PPP1R12B: variants seen among roughly 807,000 people sequenced by gnomAD.
PPP1R12B encodes the protein protein phosphatase 1 regulatory subunit 12B.
PPP1R12B carries 76 observed loss-of-function variants against 126.1 expected under a neutral mutation model. The observed-to-expected ratio is 0.60, with a 90% CI of 0.50 to 0.73. The LOEUF (loss-of-function observed/expected upper bound fraction) is 0.73, where lower values mean the gene tolerates loss of function less well. Among genes scored for constraint, PPP1R12B ranks in the 30% least tolerant of loss-of-function variants. The pLI is 0.00. For missense variants in PPP1R12B, 1,052 were observed against 1,205.1 expected, an observed-to-expected ratio of 0.87 and a Z score of 1.88; for synonymous variants, 356 against 434.7, an observed-to-expected ratio of 0.82 and a Z score of 2.25.
chr1:202,501,913 G>A, intron 18 of PPP1R12B: 1 of 984,920 alleles, frequency 1.0e-6, no homozygotes, highest in Non-Finnish European at 1.2e-6. Flanking sequence ...TTGAGTGAAG[G>A]AACGTCTTCT....
In PPP1R12B at chr1:202,416,995, G is replaced by A. The variant is rs566254141; in HGVS notation, c.422+78G>A. On this transcript the variant is annotated intron_variant, in intron 2 of 23. Transcript: ENST00000608999. ...ATTTCTCCTCTATTCTTAGGAATTT[G>A]AATTTTATAAATAGTTATAATCTCT... 1.2e-5 allele frequency: 17 copies of A among 1,433,060 alleles called. No individual in the cohort carries two copies. In the South Asian group the frequency reaches 2.6e-4, roughly 22 times the overall value. The allele number at this position is 1,433,060 out of a possible 1,614,324, so 88.8% of individuals were successfully genotyped here. A position where few individuals can be genotyped will look rare whatever the true frequency, so the allele number is the denominator to read the frequency against.
At chr1:202,436,040 A>G (rs1670768780) in intron 9 of PPP1R12B, among the ~76,000 whole-genome samples, 1 of 152,168 alleles carries the variant, frequency 6.6e-6, no homozygotes, top group Non-Finnish European at 1.5e-5. Context: ...TGGGCAAATC[A>G]CTTGAGCCCA....
intron 18 of PPP1R12B, among the ~76,000 whole-genome samples, chr1:202,529,405 CA>C (rs1049275587): frequency 1.3e-5 from 2 of 151,814 alleles, no homozygotes; most frequent in African/African-American, 4.8e-5. Flanking sequence ...TGCAAATTCA[CA>C]ACTATGAAGA....
chr1:202,476,840 C>T (rs967322518), intron 13 of PPP1R12B, among the ~76,000 whole-genome samples: 2 of 151,950 alleles, frequency 1.3e-5, no homozygotes, highest in African/African-American at 4.8e-5. Context: ...AAAGCTACTT[C>T]AAAACCCAAT....
chr1:202,463,969 T>C (rs1336421638), intron 13 of PPP1R12B, among the ~76,000 whole-genome samples: 1 of 152,218 alleles, frequency 6.6e-6, no homozygotes, highest in Non-Finnish European at 1.5e-5. Context: ...CCTGTACATT[T>C]TACTTTCATG....
intron 1 of PPP1R12B, among the ~76,000 whole-genome samples, chr1:202,388,563 C>A (rs1180425010): frequency 6.6e-6 from 1 of 151,812 alleles, no homozygotes; most frequent in East Asian, 1.9e-4. Context: ...GAAAGAAGGC[C>A]TAAATAAGTG....
At chr1:202,446,898 T>C (rs1482256358) in intron 12 of PPP1R12B, among the ~76,000 whole-genome samples, 1 of 152,130 alleles carries the variant, frequency 6.6e-6, no homozygotes, top group Non-Finnish European at 1.5e-5. Context: ...TGGCTGCCAT[T>C]TCCATGGGTT....
chr1:202,366,319 G>A (rs1414525733), intron 1 of PPP1R12B, among the ~76,000 whole-genome samples: 1 of 151,992 alleles, frequency 6.6e-6, no homozygotes, highest in Non-Finnish European at 1.5e-5. Flanking sequence ...AGGAGTCCGA[G>A]ACCAGCTTGG....
At chr1:202,558,502 G>C (rs1687188877) in intron 18 of PPP1R12B, 1 of 176,086 alleles carries the variant, frequency 5.7e-6, no homozygotes, top group Non-Finnish European at 1.2e-5. Context: ...GATCCAGAGA[G>C]GCCAAATGTC....
chr1:202,572,782 A>ATT (rs1440607659), intron 23 of PPP1R12B, among the ~76,000 whole-genome samples: 1 of 151,788 alleles, frequency 6.6e-6, no homozygotes, highest in Admixed American at 6.6e-5. Context: ...TGGAATTTTT[A>ATT]TTTTTCTTTG....
At chr1:202,384,000 A>G (rs1158257629) in intron 1 of PPP1R12B, among the ~76,000 whole-genome samples, 2 of 152,192 alleles carry the variant, frequency 1.3e-5, no homozygotes, top group African/African-American at 4.8e-5. Flanking sequence ...CCACAAAGTG[A>G]TATTACTTCA....
At chr1:202,410,095 A>AT (rs924406577) in intron 1 of PPP1R12B, 1 of 152,128 alleles carries the variant, frequency 6.6e-6, no homozygotes, top group African/African-American at 2.4e-5. Context: ...ATGTACATAT[A>AT]TTTTTGCTTA....
intron 13 of PPP1R12B, chr1:202,471,984 G>A (rs1286772579): frequency 1.1e-5 from 17 of 1,595,854 alleles, no homozygotes; most frequent in Middle Eastern, 2.2e-4. Context: ...GCTAAAGACC[G>A]TGGTGATTTT....
At chr1:202,576,516 A>G (rs1689106901) in intron 23 of PPP1R12B, 1 of 152,220 alleles carries the variant, frequency 6.6e-6, no homozygotes, top group South Asian at 2.1e-4. Flanking sequence ...ATAGGCAGAA[A>G]GAAAATTGAA....
At chr1:202,477,294 A>T (rs1217240108) in intron 13 of PPP1R12B, among the ~76,000 whole-genome samples, 2 of 152,166 alleles carry the variant, frequency 1.3e-5, no homozygotes, top group Non-Finnish European at 2.9e-5. Flanking sequence ...CTCTATTAAT[A>T]TATCTGTATA....
At chr1:202,504,905 G>A (rs1680649073) in intron 18 of PPP1R12B, among the ~76,000 whole-genome samples, 1 of 152,212 alleles carries the variant, frequency 6.6e-6, no homozygotes, top group African/African-American at 2.4e-5. Flanking sequence ...CATTTAAATA[G>A]AGATGATTAC....
chr1:202,578,028 TCC>T (rs1689246881), intron 23 of PPP1R12B, among the ~76,000 whole-genome samples: 1 of 152,190 alleles, frequency 6.6e-6, no homozygotes, highest in South Asian at 2.1e-4. Context: ...ACTGTTCATT[TCC>T]CCCTCTCTCT....
chr1:202,381,962 A>G (rs1340993053), intron 1 of PPP1R12B, among the ~76,000 whole-genome samples: 1 of 152,194 alleles, frequency 6.6e-6, no homozygotes, highest in African/African-American at 2.4e-5. Context: ...TGCTGTAAAG[A>G]CACATGCACG....
chr1:202,472,111 G>C, intron 13 of PPP1R12B: 1 of 1,555,110 alleles, frequency 6.4e-7, no homozygotes, highest in South Asian at 1.1e-5. Context: ...TCCTTTGTGA[G>C]AGGCATGTTC....
Sources: allele counts gnomAD v4.1 joint callset (sites outside exome capture counted in the v4.1 genomes callset), GRCh38; gene constraint gnomAD v4.1.1; transcripts MANE v1.5; gene names NCBI Gene and HGNC (gene_info 2026-07-23, HGNC 2026-07-21).